The following TMEM231 variants were observed in gnomAD, a reference collection of about 807,000 sequenced individuals.
TMEM231 encodes the protein transmembrane protein 231.
TMEM231 carries 40 observed loss-of-function variants against 38.5 expected under a neutral mutation model. That is an observed-to-expected ratio of 1.04 (90% CI 0.81 to 1.35). The LOEUF is 1.35. Among genes scored for constraint, TMEM231 ranks in the 40% most tolerant of loss-of-function variants. The pLI is 0.00. For synonymous variants in TMEM231, 199 were observed against 181.7 expected, an observed-to-expected ratio of 1.10 and a Z score of -0.77; for missense variants, 420 against 416.9, an observed-to-expected ratio of 1.01 and a Z score of -0.07.
chr16:75,542,220 TTC>T (rs1176370459), intron 5 of TMEM231, among the ~76,000 whole-genome samples: 1 of 152,100 alleles, frequency 6.6e-6, no homozygotes, highest in African/African-American at 2.4e-5. Flanking sequence ...GTCACCCACG[TTC>T]TCTGTTTTTC....
intron 2 of TMEM231, among the ~76,000 whole-genome samples, chr16:75,546,841 C>G (rs1415384522): frequency 6.6e-6 from 1 of 152,140 alleles, no homozygotes; most frequent in Non-Finnish European, 1.5e-5. Flanking sequence ...GACCTGAAAG[C>G]CTTGTGCATC....
rs2080602287 is a variant in TMEM231, at chr16:75,540,003, G to A, written c.942C>T (p.His314=). 2 of 1,610,930 alleles carry A rather than the reference G, an allele frequency of 1.2e-6. No individual in the cohort carries two copies. Among genetic ancestry groups the A allele is most frequent in the Non-Finnish European group, 1.7e-6 (2 of 1,178,658 alleles). ...TTCAGAAATGGCCTTTCTAGGATAA[G>A]TGCTCCTTACACAAGTCTCCCCGGG... ...VTPRGDLCKE[H]LS is the part of the protein sequence containing the mutation. Residue 314 remains histidine, a synonymous_variant, in exon 7 of 7, where the codon CAC becomes CAT. Transcript: ENST00000258173.
In TMEM231 at chr16:75,541,465, A is replaced by G. The variant is rs201237881; in HGVS notation, c.665-10T>C. 3.6e-5 allele frequency: 57 copies of G among 1,586,592 alleles called. No homozygotes were observed. The East Asian group carries it at 1.0e-3, about 29-fold the overall frequency. On this transcript the variant is annotated splice_polypyrimidine_tract_variant and intron_variant, in intron 5 of 6. Coordinates refer to ENST00000258173, the MANE Select transcript of TMEM231 (RefSeq NM_001077418.3). ...TTCAGGACGGTGGTAACTGCAATGC[A>G]ATCATTAACCATTAACCACGATGGC...
intron 2 of TMEM231, among the ~76,000 whole-genome samples, chr16:75,554,100 T>G (rs1315917777): frequency 6.6e-6 from 1 of 152,190 alleles, no homozygotes; most frequent in Non-Finnish European, 1.5e-5. Flanking sequence ...TATTCACAAC[T>G]CTGATAACAT....
chr16:75,551,314 C>T (rs2080758289), intron 2 of TMEM231, among the ~76,000 whole-genome samples: 1 of 152,206 alleles, frequency 6.6e-6, no homozygotes, highest in Admixed American at 6.5e-5. Flanking sequence ...CCTCCCACCT[C>T]AGCCTCCTGA....
Position 75,539,855 on chromosome 16 carries a change from C to T in TMEM231, c.*139G>A, listed in dbSNP as rs459211. ...GATACGGAACTGTGTAGAGCAAAAC[C>T]GGAAAGAACCGTTGTCTCTGAGGGA... On this transcript the variant is annotated 3_prime_UTR_variant, in exon 7 of 7. Transcript: ENST00000258173. 0.16 allele frequency: 109,232 copies of T among 674,670 alleles called. 9,787 individuals are homozygous for T. The highest frequency in any genetic ancestry group is 0.19 in the East Asian group (6,408 of 34,480). The allele number at this position is 674,670 out of a possible 1,614,324, so 41.8% of individuals were successfully genotyped here.
intron 2 of TMEM231, among the ~76,000 whole-genome samples, chr16:75,554,499 T>C (rs367889251): frequency 6.9e-6 from 1 of 145,052 alleles, no homozygotes; most frequent in African/African-American, 2.6e-5. Flanking sequence ...GAGCAGAGAA[T>C]TGCAGCACTG....
chr16:75,546,509 C>A (rs1344333065), intron 2 of TMEM231, among the ~76,000 whole-genome samples: 1 of 151,888 alleles, frequency 6.6e-6, no homozygotes, highest in Non-Finnish European at 1.5e-5. Context: ...GTGACGCAAT[C>A]ACGGCTCACT....
chr16:75,547,994 C>G (rs989979324), intron 2 of TMEM231, among the ~76,000 whole-genome samples: 3 of 152,128 alleles, frequency 2.0e-5, no homozygotes, highest in African/African-American at 7.2e-5. Flanking sequence ...GACTCCAACA[C>G]ACTGTGGGAG....
intron 4 of TMEM231, among the ~76,000 whole-genome samples, chr16:75,544,010 T>A (rs960833453): frequency 1.3e-5 from 2 of 152,244 alleles, no homozygotes; most frequent in East Asian, 3.8e-4. Flanking sequence ...AGTGATTAGA[T>A]GCATGAGTTC....
In TMEM231 at chr16:75,545,213, G is replaced by T. The variant is rs4149500; in HGVS notation, c.582+139C>A. 218,390 of 1,222,920 alleles carry T rather than the reference G, an allele frequency of 0.18. 20,631 individuals are homozygous for T. Among genetic ancestry groups the T allele is most frequent in the Non-Finnish European group, 0.19 (168,703 of 885,446 alleles). The allele number at this position is 1,222,920 out of a possible 1,614,324, so 75.8% of individuals were successfully genotyped here. A position where few individuals can be genotyped will look rare whatever the true frequency, so the allele number is the denominator to read the frequency against. Reference sequence around the variant, plus strand: ...TCAAGTGATCCATCCGCACATCTCCGCCTCCCAAAGTGCTGGGATTACAGG... The same window carrying T: ...TCAAGTGATCCATCCGCACATCTCCTCCTCCCAAAGTGCTGGGATTACAGG... On this transcript the variant is annotated intron_variant, in intron 4 of 6. Coordinates refer to ENST00000258173, the MANE Select transcript of TMEM231 (RefSeq NM_001077418.3).
intron 2 of TMEM231, among the ~76,000 whole-genome samples, chr16:75,554,740 T>C (rs919574939): frequency 6.6e-6 from 1 of 152,196 alleles, no homozygotes; most frequent in Non-Finnish European, 1.5e-5. Flanking sequence ...AGAATGAGCA[T>C]GCACTTTTGT....
At chr16:75,542,439 G>C (rs1172499688) in intron 5 of TMEM231, 163 bp downstream of exon 5, 1 of 688,420 alleles carries the variant, frequency 1.5e-6, no homozygotes, top group Non-Finnish European at 2.6e-6. Context: ...CTGAAGATCA[G>C]GACGAAAAAG....
intron 2 of TMEM231, among the ~76,000 whole-genome samples, chr16:75,546,465 C>T (rs769939496): frequency 6.6e-6 from 1 of 151,406 alleles, no homozygotes; most frequent in Non-Finnish European, 1.5e-5. Flanking sequence ...TTTTTTGAGC[C>T]GGGGTCTAAC....
intron 2 of TMEM231, 146 bp from the exon 3 acceptor site, chr16:75,546,100 T>A (rs1443836522): frequency 6.5e-7 from 1 of 1,542,990 alleles, no homozygotes; most frequent in East Asian, 2.5e-5. Flanking sequence ...AGCAGATAGA[T>A]GTAAGTGCAT....
At chr16:75,551,227 T>C (rs913527933) in intron 2 of TMEM231, among the ~76,000 whole-genome samples, 1 of 152,174 alleles carries the variant, frequency 6.6e-6, no homozygotes, top group African/African-American at 2.4e-5. Context: ...TTTTTCTTGA[T>C]ACAGGGTCAA....
intron 2 of TMEM231, among the ~76,000 whole-genome samples, chr16:75,549,636 T>C (rs1338811048): frequency 1.3e-5 from 2 of 152,192 alleles, no homozygotes; most frequent in Admixed American, 1.3e-4. Context: ...AGATTTCTCA[T>C]GGTTAAAGGA....
In TMEM231 at chr16:75,539,226, G is replaced by T. The variant is rs543926691; in HGVS notation, c.*768C>A. Reference sequence around the variant, plus strand: ...GTTGTGACAATGCTTTCTTCCCCCAGTGCTGCTGAGGGGGCTGAGAATGAA... The same window carrying T: ...GTTGTGACAATGCTTTCTTCCCCCATTGCTGCTGAGGGGGCTGAGAATGAA... On this transcript the variant is annotated 3_prime_UTR_variant, in exon 7 of 7. Transcript: ENST00000258173. 2 of 152,166 alleles carry T rather than the reference G, an allele frequency of 1.3e-5. No individual in the cohort carries two copies. The highest frequency in any genetic ancestry group is 4.1e-4 in the South Asian group (2 of 4,820). 9.4% of individuals were successfully genotyped at this position (152,166 alleles called of 1,614,324 possible).
At chr16:75,554,163 G>C (rs2080788214) in intron 2 of TMEM231, among the ~76,000 whole-genome samples, 1 of 152,048 alleles carries the variant, frequency 6.6e-6, no homozygotes, top group African/African-American at 2.4e-5. Context: ...ATAATTATTT[G>C]CTTAGTTTTC....
Sources: allele counts gnomAD v4.1 joint callset (sites outside exome capture counted in the v4.1 genomes callset), GRCh38; gene constraint gnomAD v4.1.1; transcripts MANE v1.5; gene names NCBI Gene and HGNC (gene_info 2026-07-23, HGNC 2026-07-21).